The following FER1L6 variants were observed in gnomAD, a reference collection of about 807,000 sequenced individuals.
FER1L6 encodes fer-1 like family member 6.
In FER1L6, 177 loss-of-function variants were observed where a neutral mutation model predicts 219.2. The observed-to-expected ratio is 0.81, with a 90% CI of 0.71 to 0.91. The LOEUF is 0.91. FER1L6 is among the 40% of genes least tolerant of loss of function. FER1L6 has a pLI of 0.00. For synonymous variants in FER1L6, 768 were observed against 824.3 expected (o/e 0.93, Z 1.17); for missense variants, 2,153 against 2,259.9 (o/e 0.95, Z 0.96).
chr8:124,010,877 G>C (rs1020417961), intron 14 of FER1L6, among the ~76,000 whole-genome samples, 163 bp downstream of exon 14: 4 of 152,140 alleles, frequency 2.6e-5, no homozygotes, highest in African/African-American at 9.7e-5. Context: ...AAATCTAGGG[G>C]AATGAGACCT....
chr8:124,056,784 A>T (rs1180278698), intron 22 of FER1L6, among the ~76,000 whole-genome samples: 1 of 152,158 alleles, frequency 6.6e-6, no homozygotes, highest in Non-Finnish European at 1.5e-5. Context: ...AGTGGCTCAC[A>T]CCTGTAATGA....
At chr8:123,941,811 C>T (rs1371687348) in intron 1 of FER1L6, among the ~76,000 whole-genome samples, 3 of 152,108 alleles carry the variant, frequency 2.0e-5, no homozygotes, top group African/African-American at 7.2e-5. Context: ...AAGAACAGAG[C>T]AGACGAGGGA....
chr8:123,859,354 G>A (rs1816704018), intron 1 of FER1L6, among the ~76,000 whole-genome samples: 1 of 151,526 alleles, frequency 6.6e-6, no homozygotes, highest in Admixed American at 6.6e-5. Context: ...TATGGAAAGA[G>A]TCAGTCAAGC....
chr8:123,892,721 T>C (rs952009842), intron 1 of FER1L6, among the ~76,000 whole-genome samples: 5 of 152,224 alleles, frequency 3.3e-5, no homozygotes, highest in African/African-American at 1.2e-4. Flanking sequence ...TATAATAACC[T>C]GTGATTCTAT....
chr8:124,106,551 G>C (rs2131004954), intron 39 of FER1L6, among the ~76,000 whole-genome samples: 1 of 152,116 alleles, frequency 6.6e-6, no homozygotes, highest in East Asian at 1.9e-4. Context: ...ACCCTTCCCG[G>C]ACTCTTGCTT....
chr8:123,945,760 G>A (rs546483337), intron 1 of FER1L6, among the ~76,000 whole-genome samples: 17 of 152,248 alleles, frequency 1.1e-4, no homozygotes, highest in Middle Eastern at 3.4e-3. Flanking sequence ...CCTCCTCTTG[G>A]TTATAGAAGC....
intron 1 of FER1L6, among the ~76,000 whole-genome samples, chr8:123,952,067 A>G (rs1814793701): frequency 6.6e-6 from 1 of 152,204 alleles, no homozygotes; most frequent in Non-Finnish European, 1.5e-5. Flanking sequence ...CGAGCGGTGG[A>G]CATGACATTA....
chr8:123,972,282 G>T (rs1305600566), intron 6 of FER1L6, among the ~76,000 whole-genome samples: 1 of 152,258 alleles, frequency 6.6e-6, no homozygotes, highest in African/African-American at 2.4e-5. Flanking sequence ...TTCGCAAAAA[G>T]GAGCTGTTTA....
chr8:123,874,701 C>G (rs1816975534), intron 1 of FER1L6, among the ~76,000 whole-genome samples: 1 of 152,168 alleles, frequency 6.6e-6, no homozygotes. Context: ...GTATTCTCCT[C>G]TGTATTCCAG....
chr8:124,100,554 C>G (rs1367826019), intron 37 of FER1L6, among the ~76,000 whole-genome samples: 2 of 152,184 alleles, frequency 1.3e-5, no homozygotes, highest in African/African-American at 2.4e-5. Context: ...CTCCATGCCA[C>G]ACCAATCCAG....
chr8:123,970,364 G>A (rs1586534438), intron 6 of FER1L6, among the ~76,000 whole-genome samples: 1 of 152,184 alleles, frequency 6.6e-6, no homozygotes, highest in African/African-American at 2.4e-5. Flanking sequence ...TAGCTTACTA[G>A]TGTGGGAATG....
chr8:123,960,273 G>A (rs531893304), intron 2 of FER1L6, among the ~76,000 whole-genome samples: 2 of 152,230 alleles, frequency 1.3e-5, no homozygotes, highest in East Asian at 3.9e-4. Context: ...TATTAGGAAG[G>A]CTCAGCCACT....
chr8:124,093,237 C>T (rs1305920881), intron 34 of FER1L6, among the ~76,000 whole-genome samples: 3 of 152,010 alleles, frequency 2.0e-5, no homozygotes, highest in African/African-American at 4.8e-5. Context: ...CAGTCACCTT[C>T]CCACCAGTCC....
At chr8:124,088,377 T>C (rs1821870305) in intron 33 of FER1L6, among the ~76,000 whole-genome samples, 1 of 152,006 alleles carries the variant, frequency 6.6e-6, no homozygotes, top group Non-Finnish European at 1.5e-5. Flanking sequence ...GCCTGGCTTG[T>C]GTCTCTCCTT....
At chr8:123,990,887 T>C (rs529666003) in intron 12 of FER1L6, among the ~76,000 whole-genome samples, 1 of 152,332 alleles carries the variant, frequency 6.6e-6, no homozygotes, top group South Asian at 2.1e-4. Flanking sequence ...CTTGAGTTGA[T>C]TTTTGTATAC....
At chr8:123,871,514 T>G (rs1816924320) in intron 1 of FER1L6, among the ~76,000 whole-genome samples, 1 of 151,980 alleles carries the variant, frequency 6.6e-6, no homozygotes, top group South Asian at 2.1e-4. Flanking sequence ...GGATGAAAGA[T>G]CCAATTGAAA....
chr8:123,946,398 T>C (rs1045704660), intron 1 of FER1L6, among the ~76,000 whole-genome samples: 6 of 152,162 alleles, frequency 3.9e-5, no homozygotes, highest in African/African-American at 1.4e-4. Context: ...ATTATAGGCA[T>C]ACACCACCAC....
intron 39 of FER1L6, among the ~76,000 whole-genome samples, chr8:124,107,180 C>T (rs889321647): frequency 2.0e-5 from 3 of 151,996 alleles, no homozygotes; most frequent in African/African-American, 7.2e-5. Flanking sequence ...GATCTCCTGA[C>T]CTTGTGATCC....
intron 20 of FER1L6, among the ~76,000 whole-genome samples, chr8:124,044,747 G>GA (rs1405801086): frequency 2.0e-5 from 3 of 152,234 alleles, no homozygotes; most frequent in Admixed American, 6.5e-5. Flanking sequence ...CCCAGGTGCA[G>GA]AGTCCACTTG....
Sources: gnomAD v4.1 joint callset for allele counts (sites outside exome capture counted in the v4.1 genomes callset) on GRCh38, gnomAD v4.1.1 for gene constraint, MANE v1.5 for transcripts, NCBI Gene and HGNC (gene_info 2026-07-23, HGNC 2026-07-21) for gene names.